SCHIP1: variants seen among roughly 807,000 people sequenced by gnomAD.
SCHIP1 encodes the protein schwannomin interacting protein 1, also known as schwannomin-interacting protein 1.
Under a neutral mutation model 29.7 loss-of-function variants are expected in SCHIP1, and 8 were observed. The ratio of observed to expected loss-of-function variants is 0.27; its 90% confidence interval spans 0.16 to 0.49. SCHIP1 has a LOEUF of 0.49. SCHIP1 is among the 20% of genes least tolerant of loss of function. The pLI is 0.99. For synonymous variants in SCHIP1, 76 were observed against 94.9 expected, an observed-to-expected ratio of 0.80 and a Z score of 1.16; for missense variants, 193 against 294.6, an observed-to-expected ratio of 0.66 and a Z score of 2.52.
At chr3:159,804,761 G>A in the SCHIP1 span, among the ~76,000 whole-genome samples, 1 of 152,236 alleles carries the variant, frequency 6.6e-6, no homozygotes, top group East Asian at 1.9e-4. Flanking sequence ...AAAGGCTTCA[G>A]AATGTGTTTG....
the SCHIP1 span, among the ~76,000 whole-genome samples, chr3:159,482,669 GGAGA>G: frequency 1.3e-5 from 2 of 152,132 alleles, no homozygotes; most frequent in Non-Finnish European, 2.9e-5. Flanking sequence ...TAAGGATTAA[GGAGA>G]GAGACATAAA....
chr3:159,345,390 G>A, the SCHIP1 span, among the ~76,000 whole-genome samples: 1 of 152,110 alleles, frequency 6.6e-6, no homozygotes, highest in Admixed American at 6.6e-5. Context: ...TATGACTATT[G>A]TTATCTTAGT....
At chr3:159,540,491 C>T in the SCHIP1 span, among the ~76,000 whole-genome samples, 1 of 152,090 alleles carries the variant, frequency 6.6e-6, no homozygotes, top group African/African-American at 2.4e-5. Flanking sequence ...CCGAGGGGAG[C>T]AAATCTGCCT....
the SCHIP1 span, among the ~76,000 whole-genome samples, chr3:159,500,377 C>A: frequency 6.6e-6 from 1 of 152,054 alleles, no homozygotes. Context: ...TCACAACTTT[C>A]TTGTTTTCTT....
the SCHIP1 span, among the ~76,000 whole-genome samples, chr3:159,455,133 A>G: frequency 4.3e-4 from 66 of 152,346 alleles, 2 homozygotes; most frequent in South Asian, 0.013. Context: ...ACCAGGAGAT[A>G]ATTAAGATTC....
chr3:159,289,596 T>A, the SCHIP1 span, among the ~76,000 whole-genome samples: 1 of 152,188 alleles, frequency 6.6e-6, no homozygotes, highest in Non-Finnish European at 1.5e-5. Flanking sequence ...GTGTTTTTCC[T>A]TTATCTTGTT....
At chr3:159,777,909 AGTACAAAGT>A in the SCHIP1 span, among the ~76,000 whole-genome samples, 3 of 152,246 alleles carry the variant, frequency 2.0e-5, no homozygotes, top group South Asian at 2.1e-4. Flanking sequence ...ATTGGCTCTA[AGTACAAAGT>A]TAACATAGAT....
the SCHIP1 span, among the ~76,000 whole-genome samples, chr3:159,339,997 A>G: frequency 2.5e-4 from 38 of 152,248 alleles, no homozygotes; most frequent in African/African-American, 8.2e-4. Flanking sequence ...GAATAATTCT[A>G]ATAACCAGGA....
chr3:159,752,017 A>G, the SCHIP1 span, among the ~76,000 whole-genome samples: 4 of 152,036 alleles, frequency 2.6e-5, no homozygotes, highest in Admixed American at 6.6e-5. Flanking sequence ...TGGTTATTCA[A>G]AAGTGTGTAG....
chr3:159,421,936 A>G, the SCHIP1 span, among the ~76,000 whole-genome samples: 1 of 152,232 alleles, frequency 6.6e-6, no homozygotes, highest in South Asian at 2.1e-4. Context: ...TACTTCAAAG[A>G]GAGGTCGGGG....
At chr3:159,750,300 C>T in the SCHIP1 span, among the ~76,000 whole-genome samples, 1,929 of 135,028 alleles carry the variant, frequency 0.014, 53 homozygotes, top group African/African-American at 0.061. Flanking sequence ...TATATATACA[C>T]ACACACACAC....
At chr3:159,429,111 G>A in the SCHIP1 span, among the ~76,000 whole-genome samples, 9 of 151,444 alleles carry the variant, frequency 5.9e-5, 1 homozygote, top group South Asian at 1.7e-3. Flanking sequence ...ACGAGTTAGT[G>A]GGTGGAGCCA....
the SCHIP1 span, among the ~76,000 whole-genome samples, chr3:159,619,048 G>A: frequency 2.6e-5 from 4 of 152,176 alleles, no homozygotes; most frequent in Non-Finnish European, 5.9e-5. Context: ...GATTTACTTC[G>A]GGGCTGGTAG....
At chr3:159,727,311 T>C in the SCHIP1 span, among the ~76,000 whole-genome samples, 1 of 152,216 alleles carries the variant, frequency 6.6e-6, no homozygotes, top group East Asian at 1.9e-4. Flanking sequence ...AATTACTACC[T>C]GACATTTTCT....
chr3:159,578,814 C>T, the SCHIP1 span, among the ~76,000 whole-genome samples: 2 of 152,100 alleles, frequency 1.3e-5, no homozygotes, highest in East Asian at 3.8e-4. Flanking sequence ...TTCTCCCTTC[C>T]TCTTATAAGA....
the SCHIP1 span, among the ~76,000 whole-genome samples, chr3:159,711,880 G>A: frequency 6.6e-6 from 1 of 152,150 alleles, no homozygotes; most frequent in Admixed American, 6.5e-5. Flanking sequence ...CAGAGGACCG[G>A]AAATCAGTAA....
the SCHIP1 span, among the ~76,000 whole-genome samples, chr3:159,508,052 C>G: frequency 6.6e-6 from 1 of 152,206 alleles, no homozygotes; most frequent in Non-Finnish European, 1.5e-5. Context: ...GTACCAGCTC[C>G]TCCTTGTACC....
chr3:159,414,410 A>C, the SCHIP1 span, among the ~76,000 whole-genome samples: 1 of 151,036 alleles, frequency 6.6e-6, no homozygotes. Flanking sequence ...AAGTAATTGC[A>C]CATTATTAAG....
At chr3:159,397,708 C>G in the SCHIP1 span, among the ~76,000 whole-genome samples, 2 of 152,200 alleles carry the variant, frequency 1.3e-5, no homozygotes, top group Non-Finnish European at 2.9e-5. Flanking sequence ...GCTGGGAGAA[C>G]CACTGCTCTC....
Sources: gnomAD v4.1 joint callset for allele counts (sites outside exome capture counted in the v4.1 genomes callset) on GRCh38, gnomAD v4.1.1 for gene constraint, MANE v1.5 for transcripts, NCBI Gene and HGNC (gene_info 2026-07-23, HGNC 2026-07-21) for gene names.